The following RPA3 variants were observed in gnomAD, a reference collection of about 807,000 sequenced individuals.
RPA3 encodes replication protein A 14 kDa subunit.
In RPA3, 24 loss-of-function variants were observed where a neutral mutation model predicts 13.7. The observed-to-expected ratio is 1.75, with a 90% CI of 1.27 to 2.46. The LOEUF (loss-of-function observed/expected upper bound fraction) is 2.46. Ranked by LOEUF, RPA3 falls within the 30% of genes most tolerant of loss-of-function variation. The pLI is 0.00. For synonymous variants in RPA3, 59 were observed against 51.2 expected, an observed-to-expected ratio of 1.15 and a Z score of -0.65; for missense variants, 183 against 151.0, an observed-to-expected ratio of 1.21 and a Z score of -1.11.
chr7:7,676,742 G>C (rs988262662), intron 4 of RPA3, among the ~76,000 whole-genome samples: 1 of 152,094 alleles, frequency 6.6e-6, no homozygotes, highest in Non-Finnish European at 1.5e-5. Context: ...CCTTGATGAA[G>C]TTGAAATTGG....
intron 5 of RPA3, 155 bp downstream of exon 5, chr7:7,640,165 C>T: frequency 1.3e-6 from 1 of 760,098 alleles, no homozygotes; most frequent in East Asian, 2.6e-5. Flanking sequence ...GGGGCTACAA[C>T]GGCTAAAGAA....
chr7:7,695,695 A>G (rs1483514573), intron 2 of RPA3, among the ~76,000 whole-genome samples: 1 of 152,214 alleles, frequency 6.6e-6, no homozygotes, highest in Non-Finnish European at 1.5e-5. Flanking sequence ...TATGCAACTC[A>G]GCAAGGATCC....
intron 2 of RPA3, among the ~76,000 whole-genome samples, chr7:7,705,695 C>T (rs1261327197): frequency 6.6e-6 from 1 of 151,996 alleles, no homozygotes; most frequent in Non-Finnish European, 1.5e-5. Context: ...TGAAACTACT[C>T]TTATGTTAAT....
intron 4 of RPA3, among the ~76,000 whole-genome samples, chr7:7,661,295 C>T (rs1022533319): frequency 1.3e-5 from 2 of 152,082 alleles, no homozygotes; most frequent in African/African-American, 2.4e-5. Flanking sequence ...TTGTTATTAC[C>T]CATCTCTGAA....
intron 4 of RPA3, among the ~76,000 whole-genome samples, chr7:7,645,379 G>T (rs1303358030): frequency 6.6e-6 from 1 of 152,194 alleles, no homozygotes; most frequent in African/African-American, 2.4e-5. Flanking sequence ...TACTTATGTG[G>T]TAGTGCACTA....
chr7:7,672,165 TG>T (rs1316471256), intron 4 of RPA3, among the ~76,000 whole-genome samples: 4 of 152,214 alleles, frequency 2.6e-5, no homozygotes, highest in African/African-American at 9.6e-5. Flanking sequence ...AACTAAAACT[TG>T]GAGCACTTGC....
intron 2 of RPA3, among the ~76,000 whole-genome samples, chr7:7,711,814 T>C (rs888530640): frequency 1.3e-5 from 2 of 152,156 alleles, no homozygotes; most frequent in African/African-American, 4.8e-5. Context: ...TTTTAAAATA[T>C]ATAAAACTTT....
At chr7:7,708,625 T>G (rs1780669390) in intron 2 of RPA3, among the ~76,000 whole-genome samples, 1 of 152,176 alleles carries the variant, frequency 6.6e-6, no homozygotes, top group African/African-American at 2.4e-5. Flanking sequence ...ACCTCAAAAA[T>G]AGAAGCAAAT....
chr7:7,669,705 T>C (rs1779557786), intron 4 of RPA3, among the ~76,000 whole-genome samples: 1 of 152,148 alleles, frequency 6.6e-6, no homozygotes, highest in Non-Finnish European at 1.5e-5. Flanking sequence ...TGGACTGTAG[T>C]AGGGGAAGGA....
At chr7:7,672,170 C>T (rs1779622765) in intron 4 of RPA3, among the ~76,000 whole-genome samples, 1 of 152,188 alleles carries the variant, frequency 6.6e-6, no homozygotes, top group African/African-American at 2.4e-5. Context: ...AAACTTGGAG[C>T]ACTTGCTGCC....
At chr7:7,690,047 T>C (rs1780137380) in intron 2 of RPA3, among the ~76,000 whole-genome samples, 1 of 152,202 alleles carries the variant, frequency 6.6e-6, no homozygotes, top group Non-Finnish European at 1.5e-5. Context: ...TCTAAAGTGA[T>C]GGGAAATAAG....
At chr7:7,653,555 C>CACT (rs1260576520) in intron 4 of RPA3, among the ~76,000 whole-genome samples, 1 of 152,202 alleles carries the variant, frequency 6.6e-6, no homozygotes, top group African/African-American at 2.4e-5. Context: ...GTGCATCACG[C>CACT]ACTAGGTGAT....
intron 4 of RPA3, among the ~76,000 whole-genome samples, chr7:7,655,176 G>C (rs1162293665): frequency 2.6e-5 from 4 of 151,946 alleles, no homozygotes; most frequent in Non-Finnish European, 5.9e-5. Context: ...GATGCCTCTG[G>C]CCTGCTCTCC....
intron 2 of RPA3, among the ~76,000 whole-genome samples, chr7:7,692,964 A>T (rs1191464718): frequency 6.6e-6 from 1 of 152,098 alleles, no homozygotes; most frequent in African/African-American, 2.4e-5. Context: ...TGTATATTTT[A>T]TGTGTCTAAA....
chr7:7,676,163 T>A (rs924157871), intron 4 of RPA3: 2 of 398,528 alleles, frequency 5.0e-6, no homozygotes, highest in Admixed American at 8.8e-5. Flanking sequence ...GTCAGACCCT[T>A]TGGGTTGGCT....
At chr7:7,661,444 A>G (rs1007968517) in intron 4 of RPA3, among the ~76,000 whole-genome samples, 3 of 152,086 alleles carry the variant, frequency 2.0e-5, no homozygotes, top group Non-Finnish European at 4.4e-5. Context: ...ATCTTTGTGG[A>G]TTCATCTACC....
Position 7,636,918 on chromosome 7 carries a change from A to C in RPA3, c.*82T>G. On this transcript the variant is annotated 3_prime_UTR_variant, in exon 8 of 8. Coordinates refer to ENST00000223129, the MANE Select transcript of RPA3 (RefSeq NM_002947.5). ...GCAAATTAAATATGAGAAAGCACAGAAATCTCTCCCTCAAACAAGAAGGGC... is the reference window on the plus strand; with the variant it reads ...GCAAATTAAATATGAGAAAGCACAGCAATCTCTCCCTCAAACAAGAAGGGC... The C allele has an allele frequency of 9.9e-7, 1 of 1,006,170 alleles. No individual in the cohort carries two copies. Among genetic ancestry groups the C allele is most frequent in the African/African-American group, 1.6e-5 (1 of 61,484 alleles). 62.3% of individuals were successfully genotyped at this position (1,006,170 alleles called of 1,614,324 possible).
intron 4 of RPA3, among the ~76,000 whole-genome samples, chr7:7,681,468 G>A (rs752838097): frequency 5.3e-5 from 8 of 151,940 alleles, no homozygotes; most frequent in African/African-American, 1.7e-4. Flanking sequence ...TTAAGATTTC[G>A]AAAGCTTTTA....
intron 4 of RPA3, chr7:7,673,551 T>G (rs1353727901): frequency 1.6e-6 from 1 of 643,236 alleles, no homozygotes; most frequent in Non-Finnish European, 2.7e-6. Context: ...TTTCTTATAA[T>G]TTCAGAATTA....
Sources: allele counts gnomAD v4.1 joint callset (sites outside exome capture counted in the v4.1 genomes callset), GRCh38; gene constraint gnomAD v4.1.1; transcripts MANE v1.5; gene names NCBI Gene and HGNC (gene_info 2026-07-23, HGNC 2026-07-21).